CCDC18: variants seen among roughly 807,000 people sequenced by gnomAD.
CCDC18 encodes coiled-coil domain-containing protein 18.
In CCDC18, 157 loss-of-function variants were observed where a neutral mutation model predicts 196.0. The ratio of observed to expected loss-of-function variants is 0.80; its 90% CI spans 0.70 to 0.91. The LOEUF (loss-of-function observed/expected upper bound fraction) is 0.91, where lower values mean the gene tolerates loss of function less well. CCDC18 is among the 40% of genes least tolerant of loss of function. The pLI, the probability that CCDC18 is intolerant of heterozygous loss-of-function variation, is 0.00. For synonymous variants in CCDC18, 482 were observed against 529.2 expected (o/e 0.91, Z 1.22); for missense variants, 1,465 against 1,611.6 (o/e 0.91, Z 1.56).
At chr1:93,253,441 A>G (rs1447624300) in intron 23 of CCDC18, among the ~76,000 whole-genome samples, 2 of 152,104 alleles carry the variant, frequency 1.3e-5, no homozygotes, top group African/African-American at 4.8e-5. Flanking sequence ...CAGACAGGAT[A>G]GTTCCCTGAT....
chr1:93,192,151 T>C (rs370685812), intron 5 of CCDC18, 45 bp downstream of exon 5: 28 of 1,228,786 alleles, frequency 2.3e-5, no homozygotes, highest in Non-Finnish European at 3.2e-5. Flanking sequence ...TTTCTACTTA[T>C]ACATTTTATT....
At chr1:93,220,068 A>G (rs1657149377) in intron 14 of CCDC18, among the ~76,000 whole-genome samples, 1 of 152,212 alleles carries the variant, frequency 6.6e-6, no homozygotes, top group East Asian at 1.9e-4. Flanking sequence ...ATTTAAAAAA[A>G]TCAAAGAGAA....
At chr1:93,203,117 G>T (rs1360787290) in intron 7 of CCDC18, among the ~76,000 whole-genome samples, 1 of 152,184 alleles carries the variant, frequency 6.6e-6, no homozygotes, top group Non-Finnish European at 1.5e-5. Context: ...CAAGGCAAGA[G>T]ATATTGAAGA....
chr1:93,194,029 G>A (rs1652296460), intron 6 of CCDC18, among the ~76,000 whole-genome samples: 1 of 151,894 alleles, frequency 6.6e-6, no homozygotes, highest in African/African-American at 2.4e-5. Flanking sequence ...TGGCCTATTT[G>A]AAACCAGTAC....
chr1:93,277,142 C>T (rs1665663605), intron 28 of CCDC18, among the ~76,000 whole-genome samples: 1 of 48,278 alleles, frequency 2.1e-5, no homozygotes, highest in Non-Finnish European at 3.6e-5. Flanking sequence ...AGCAGTATTG[C>T]TGCCCGCAGG....
chr1:93,255,787 A>AGAAGAGGAG (rs1387022635), intron 24 of CCDC18, among the ~76,000 whole-genome samples: 1 of 145,472 alleles, frequency 6.9e-6, no homozygotes, highest in Non-Finnish European at 1.5e-5. Context: ...AAGAAGAGGA[A>AGAAGAGGAG]GAAGAAGGAG....
Position 93,246,909 on chromosome 1 carries a change from T to C in CCDC18, c.3153T>C (p.Gly1051=). 6.6e-7 allele frequency: 1 copy of C among 1,517,756 alleles called. No homozygotes were observed. The highest frequency in any genetic ancestry group is 2.3e-5 in the East Asian group (1 of 43,456). The allele number at this position is 1,517,756 out of a possible 1,614,324, so 94.0% of individuals were successfully genotyped here. A position where few individuals can be genotyped will look rare whatever the true frequency, so the allele number is the denominator to read the frequency against. Residue 1051 remains glycine (G), a synonymous_variant, in exon 23 of 29, where the codon GGT becomes GGC. Coordinates refer to ENST00000690025, the MANE Select transcript of CCDC18 (RefSeq NM_001378204.1). ...EMEQKIIKLE[G]TLEKSELELK... ...AACAAAAAATAATTAAATTAGAAGG[T>C]ACTCTGGAGAAATCAGAATTGGAAC...
chr1:93,246,993 T>C (rs760334036), intron 23 of CCDC18, 39 bp downstream of exon 23: 1 of 898,172 alleles, frequency 1.1e-6, no homozygotes, highest in African/African-American at 1.8e-5. Context: ...AATTATTTTT[T>C]AAAAAATTCA....
intron 22 of CCDC18, 112 bp from the exon 23 acceptor site, chr1:93,246,726 C>G: frequency 1.7e-6 from 1 of 591,978 alleles, no homozygotes; most frequent in African/African-American, 2.0e-5. Context: ...ATTAGCTATA[C>G]TAATGAGTTT....
At chr1:93,274,884 T>A (rs1034349546) in intron 28 of CCDC18, among the ~76,000 whole-genome samples, 4 of 152,206 alleles carry the variant, frequency 2.6e-5, no homozygotes, top group Middle Eastern at 3.2e-3. Flanking sequence ...CTTAAAATCC[T>A]ATCAAAGTTA....
In CCDC18 at chr1:93,261,515, G is replaced by A. The variant is rs77958604; in HGVS notation, c.3684+2630G>A. On this transcript the variant is annotated intron_variant, in intron 26 of 28. Coordinates refer to ENST00000690025, the MANE Select transcript of CCDC18 (RefSeq NM_001378204.1). ...AACCTAGACAGTCCTAAGCATTCTC[G>A]GAAGTGTGTCAACATACCTTTAACC... Among the ~76,000 whole-genome samples, 1,260 of 152,032 alleles carry A rather than the reference G, an allele frequency of 8.3e-3. 17 individuals are homozygous for A. The highest frequency in any genetic ancestry group is 0.029 in the African/African-American group (1,204 of 41,470).
At chr1:93,250,286 C>T (rs544643991) in intron 23 of CCDC18, among the ~76,000 whole-genome samples, 13 of 144,394 alleles carry the variant, frequency 9.0e-5, no homozygotes, top group East Asian at 2.1e-4. Flanking sequence ...GAGGCTGAGG[C>T]GGGAGGATCA....
Position 93,180,763 on chromosome 1 carries a change from A to G in CCDC18, c.-92A>G, listed in dbSNP as rs1280132473. 6.6e-6 allele frequency: 9 copies of G among 1,367,320 alleles called. No homozygotes were observed. The highest frequency in any genetic ancestry group is 8.8e-6 in the Non-Finnish European group (9 of 1,021,808). 84.7% of individuals were successfully genotyped at this position (1,367,320 alleles called of 1,614,324 possible). A position where few individuals can be genotyped will look rare whatever the true frequency, so the allele number is the denominator to read the frequency against. On this transcript the variant is annotated 5_prime_UTR_variant, in exon 1 of 29. Coordinates refer to ENST00000690025, the MANE Select transcript of CCDC18 (RefSeq NM_001378204.1). ...GCTGCCGGGGTTCGCTGGTTCTCCG[A>G]GTTGTGTCCGAGGCTTCCACGCGCA...
intron 1 of CCDC18, 112 bp downstream of exon 1, chr1:93,180,964 C>A: frequency 9.6e-7 from 1 of 1,044,116 alleles, no homozygotes; most frequent in Non-Finnish European, 1.3e-6. Context: ...CTTGGATGCG[C>A]TGGGACTGGT....
At chr1:93,191,955 A>T in intron 4 of CCDC18, 45 bp from the exon 5 acceptor site, 1 of 1,349,986 alleles carries the variant, frequency 7.4e-7, no homozygotes, top group Non-Finnish European at 1.1e-6. Context: ...CAAGTAGGTT[A>T]ATTTATTTTC....
At chr1:93,241,407 A>G (rs1383187502) in intron 21 of CCDC18, among the ~76,000 whole-genome samples, 1 of 152,076 alleles carries the variant, frequency 6.6e-6, no homozygotes, top group Non-Finnish European at 1.5e-5. Context: ...ATTTTCCAAA[A>G]ATAGATTTAA....
chr1:93,218,332 T>C (rs757623967), intron 14 of CCDC18, among the ~76,000 whole-genome samples: 3 of 152,230 alleles, frequency 2.0e-5, no homozygotes, highest in Non-Finnish European at 4.4e-5. Flanking sequence ...CTGAACCTTA[T>C]ATATTTTTTC....
intron 16 of CCDC18, among the ~76,000 whole-genome samples, chr1:93,222,599 G>A (rs1458204231): frequency 6.6e-6 from 1 of 151,964 alleles, no homozygotes; most frequent in African/African-American, 2.4e-5. Context: ...TGTTAAATTG[G>A]GTTTCAGTGT....
intron 17 of CCDC18, among the ~76,000 whole-genome samples, chr1:93,227,967 A>T (rs1478221498): frequency 4.1e-4 from 45 of 108,700 alleles, no homozygotes; most frequent in East Asian, 3.0e-3. Context: ...CAAAAAAAAA[A>T]AAAAATATAT....
Sources: allele counts gnomAD v4.1 joint callset (sites outside exome capture counted in the v4.1 genomes callset), GRCh38; gene constraint gnomAD v4.1.1; transcripts MANE v1.5; gene names NCBI Gene and HGNC (gene_info 2026-07-23, HGNC 2026-07-21).